DLG5: variants seen among roughly 807,000 people sequenced by gnomAD.
The protein encoded by DLG5 is discs large MAGUK scaffold protein 5.
In DLG5, 48 loss-of-function variants were observed where a neutral mutation model predicts 189.8. The observed-to-expected ratio is 0.25, with a 90% CI of 0.20 to 0.32. DLG5 has a LOEUF of 0.32. Ranked by LOEUF, DLG5 falls within the 10% of genes least tolerant of loss-of-function variation. The probability of loss-of-function intolerance (pLI) is 1.00; values close to 1 mark genes in which losing one functional copy is unlikely to be tolerated. For missense variants in DLG5, 2,160 were observed against 2,544.7 expected (o/e 0.85, Z 3.25); for synonymous variants, 1,016 against 1,054.1 (o/e 0.96, Z 0.70).
rs750372386 is a variant in DLG5 at position 77,819,391 on chromosome 10, T to C, written c.3601A>G (p.Ser1201Gly). ...ILRNPIYTVR[S>G]HRVGPCSSPP... is the part of the protein sequence containing the mutation. ...GAGCTGCAGGGGCCGACCCTGTGAC[T>C]GCGCACAGTGTAGATGGGGTTCCGC... is the stretch of plus-strand genomic sequence containing the variant. The change falls in exon 17 of 32, where the codon AGT becomes GGT. Residue 1201 changes from serine (S) to glycine (G), a missense_variant. This residue lies in a region of DLG5 where 754 missense variants were observed against 746.5 expected (regional missense o/e 1.01). Coordinates refer to ENST00000372391, the MANE Select transcript of DLG5 (RefSeq NM_004747.4). The C allele has an allele frequency of 6.2e-6, 10 of 1,614,084 alleles. No individual in the cohort carries two copies. In the Admixed American group the frequency reaches 8.3e-5, roughly 13 times the overall value.
intron 7 of DLG5, among the ~76,000 whole-genome samples, chr10:77,840,882 C>T (rs984603023): frequency 6.6e-6 from 1 of 152,182 alleles, no homozygotes. Flanking sequence ...ATGCTGGTCA[C>T]CCCCTGGGCA....
intron 7 of DLG5, among the ~76,000 whole-genome samples, chr10:77,837,688 G>C (rs1327070875): frequency 6.6e-6 from 1 of 152,214 alleles, no homozygotes; most frequent in East Asian, 1.9e-4. Context: ...GGAACCGCAG[G>C]ATCTAGAAGT....
Position 77,873,031 on chromosome 10 carries a change from G to GCGCGCA in DLG5, c.305-3835_305-3834insTGCGCG, listed in dbSNP as rs1554826889. ...CCTCCTGATGTGTGTGTGTGTGTGTGCACACACACACACACACACACGAGA... is the reference window on the plus strand; with the variant it reads ...CCTCCTGATGTGTGTGTGTGTGTGTGCGCGCACACACACACACACACACACACGAGA... On this transcript the variant is annotated intron_variant, in intron 1 of 31. Coordinates refer to ENST00000372391, the MANE Select transcript of DLG5 (RefSeq NM_004747.4). 1.4e-3 allele frequency among the ~76,000 whole-genome samples: 63 copies of GCGCGCA among 45,530 alleles called. 1 individual carries two copies. Among genetic ancestry groups the GCGCGCA allele is most frequent in the African/African-American group, 3.2e-3 (61 of 19,340 alleles). The allele number at this position is 45,530 out of a possible 152,430, so 29.9% of individuals were successfully genotyped here.
chr10:77,795,844 A>G (rs1196365944), intron 29 of DLG5, among the ~76,000 whole-genome samples: 1 of 152,136 alleles, frequency 6.6e-6, no homozygotes, highest in Non-Finnish European at 1.5e-5. Flanking sequence ...GCACATACAC[A>G]GGGGAACTCC....
chr10:77,840,667 C>A (rs910873897), intron 7 of DLG5, among the ~76,000 whole-genome samples: 2 of 151,690 alleles, frequency 1.3e-5, no homozygotes, highest in Non-Finnish European at 2.9e-5. Context: ...TGCAGTGAGC[C>A]GAGATTGCGC....
At chr10:77,823,941 C>T (rs913194411) in intron 14 of DLG5, among the ~76,000 whole-genome samples, 3 of 152,092 alleles carry the variant, frequency 2.0e-5, no homozygotes, top group Non-Finnish European at 4.4e-5. Context: ...TCTGTAGAGG[C>T]AAGGTCTCGC....
At position 77,926,553 on chromosome 10, in the gene DLG5, C is replaced by G; in HGVS notation, c.-33G>C. ...GGCCGCGCCGCCCCGCCCCGCCGGA[C>G]GCCTCCCGGGCCCCCCGAGGCCGGC... On this transcript the variant is annotated 5_prime_UTR_variant, in exon 1 of 32. Coordinates refer to ENST00000372391, the MANE Select transcript of DLG5 (RefSeq NM_004747.4). This position sits in a 1 kb window ranked among gnomAD's most constrained non-coding sequence, Gnocchi z 5.2. 8.1e-7 allele frequency: 1 copy of G among 1,232,666 alleles called. No individual in the cohort carries two copies. Among genetic ancestry groups the G allele is most frequent in the Non-Finnish European group, 1.0e-6 (1 of 990,174 alleles). The allele number at this position is 1,232,666 out of a possible 1,614,324, so 76.4% of individuals were successfully genotyped here.
Position 77,869,190 on chromosome 10 carries a change from G to A in DLG5, c.312C>T (p.Thr104=), listed in dbSNP as rs199846595. ...AGGGCATGGTGGACAGGACGCTGTAGGTAGAACCTGGGGAAAGAGGGGAGA... is the reference window on the plus strand; with the variant it reads ...AGGGCATGGTGGACAGGACGCTGTAAGTAGAACCTGGGGAAAGAGGGGAGA... ...PPQPAEGAGS[T]YSVLSTMPSD... is the part of the protein sequence containing the mutation. The change falls in exon 2 of 32, where the codon ACC becomes ACT. Residue 104 remains threonine (T), a synonymous_variant. Transcript: ENST00000372391. 1 of 1,613,692 alleles carries A rather than the reference G, an allele frequency of 6.2e-7. No homozygotes were observed. Among genetic ancestry groups the A allele is most frequent in the Non-Finnish European group, 8.5e-7 (1 of 1,179,868 alleles).
chr10:77,830,236 T>C lies in DLG5; in HGVS notation c.1990A>G (p.Ile664Val), dbSNP rs1842835505. The C allele has an allele frequency of 3.1e-6, 5 of 1,614,052 alleles. No homozygotes were observed. The highest frequency in any genetic ancestry group is 1.7e-5 in the Admixed American group (1 of 60,010). ...TCTTACCTTAAGCGGCCATCAGCAATGCTTCCTTTGTCCACTTTAGTGACA... is the reference window on the plus strand; with the variant it reads ...TCTTACCTTAAGCGGCCATCAGCAACGCTTCCTTTGTCCACTTTAGTGACA... Reference protein sequence around the residue: ...IFVTKVDKGSIADGRLRVNDW... With the variant: ...IFVTKVDKGSVADGRLRVNDW... The change falls in exon 11 of 32, where the codon ATT (isoleucine) becomes GTT (valine). Residue 664 changes from isoleucine (I) to valine (V), a missense_variant. Coordinates refer to ENST00000372391, the MANE Select transcript of DLG5 (RefSeq NM_004747.4).
intron 17 of DLG5, among the ~76,000 whole-genome samples, chr10:77,818,130 CA>C (rs1842156361): frequency 6.6e-6 from 1 of 152,144 alleles, no homozygotes; most frequent in Admixed American, 6.5e-5. Flanking sequence ...ATACCCACTC[CA>C]GCCATAGGGT....
intron 1 of DLG5, among the ~76,000 whole-genome samples, chr10:77,911,119 A>G (rs1009080702): frequency 6.6e-6 from 1 of 151,982 alleles, no homozygotes; most frequent in East Asian, 1.9e-4. Context: ...TTTAAGAATT[A>G]AAGTGTTTTA....
At chr10:77,938,568 C>T in the DLG5 span, among the ~76,000 whole-genome samples, 2 of 152,174 alleles carry the variant, frequency 1.3e-5, no homozygotes, top group African/African-American at 4.8e-5. Flanking sequence ...TCAGTCTAGA[C>T]CAGGGACTCA....
chr10:77,887,743 C>T (rs187307139), intron 1 of DLG5, among the ~76,000 whole-genome samples: 1 of 152,306 alleles, frequency 6.6e-6, no homozygotes, highest in East Asian at 1.9e-4. Flanking sequence ...GCCAGAGATC[C>T]CAGCCAGGCC....
rs556056939 is a variant in DLG5 at position 77,808,086 on chromosome 10, A to G, written c.4648-142T>C. On this transcript the variant is annotated intron_variant, in intron 24 of 31. Transcript: ENST00000372391. Reference sequence around the variant, plus strand: ...CTCTGGCTACCTCCCCTCTGCAGGAAGGACTGAGTCTTCATGGTCTCCCCA... The same window carrying G: ...CTCTGGCTACCTCCCCTCTGCAGGAGGGACTGAGTCTTCATGGTCTCCCCA... 33 of 1,027,856 alleles carry G rather than the reference A, an allele frequency of 3.2e-5. No individual in the cohort carries two copies. In the African/African-American group the frequency reaches 4.2e-4, roughly 13 times the overall value. The allele number at this position is 1,027,856 out of a possible 1,614,324, so 63.7% of individuals were successfully genotyped here.
chr10:77,816,806 G>A (rs1842077529), intron 19 of DLG5, 105 bp from the exon 20 acceptor site: 2 of 1,469,816 alleles, frequency 1.4e-6, no homozygotes, highest in South Asian at 1.3e-5. Flanking sequence ...TATCCCCACT[G>A]CATCGCATAG....
At position 77,824,387 on chromosome 10, in the gene DLG5, C is replaced by T. The variant is rs1239919126; in HGVS notation, c.2379G>A (p.Leu793=). 1.9e-6 allele frequency: 3 copies of T among 1,611,630 alleles called. No homozygotes were observed. Among genetic ancestry groups the T allele is most frequent in the African/African-American group, 1.3e-5 (1 of 74,876 alleles). The change falls in exon 14 of 32, where the codon CTG becomes CTA. Residue 793 remains leucine (L), a synonymous_variant. Coordinates refer to ENST00000372391, the MANE Select transcript of DLG5 (RefSeq NM_004747.4). ...SCQDSLTLSL[L]KVFPQSSSWS... is the part of the protein sequence containing the mutation. ...CAGAGCCAGGTCCAGCCCTTACCTT[C>T]AGGAGGGACAGGGTCAGGGAGTCCT...
At chr10:77,894,945 G>T (rs995502226) in intron 1 of DLG5, among the ~76,000 whole-genome samples, 3 of 152,198 alleles carry the variant, frequency 2.0e-5, no homozygotes, top group African/African-American at 7.2e-5. Context: ...GGTCTTGAGG[G>T]GCAGGGCCAC....
Position 77,796,648 on chromosome 10 carries a change from AGTGGG to A in DLG5, c.5165-59_5165-55del. The A allele has an allele frequency of 6.2e-7, 1 of 1,607,170 alleles. No homozygotes were observed. The highest frequency in any genetic ancestry group is 2.2e-5 in the East Asian group (1 of 44,714). ...GACCCAGCTTGGAGTGGAGGACCTG[AGTGGG>A]GCTGGGGAACCCCGCTCCCTGACCT... On this transcript the variant is annotated intron_variant, in intron 27 of 31. Coordinates refer to ENST00000372391, the MANE Select transcript of DLG5 (RefSeq NM_004747.4). The surrounding 1 kb of genome is among the most constrained non-coding windows in gnomAD (Gnocchi z 5.2).
chr10:77,802,625 C>A (rs539652410), intron 27 of DLG5, among the ~76,000 whole-genome samples: 1 of 152,222 alleles, frequency 6.6e-6, no homozygotes, highest in Admixed American at 6.5e-5. Flanking sequence ...GTGCCTTGCG[C>A]CTGTAATCCC....
Sources: allele counts gnomAD v4.1 joint callset (sites outside exome capture counted in the v4.1 genomes callset), GRCh38; gene constraint gnomAD v4.1.1; regional missense constraint gnomAD v4.1.1; non-coding constraint Gnocchi (gnomAD v3.1); transcripts MANE v1.5; gene names NCBI Gene and HGNC (gene_info 2026-07-23, HGNC 2026-07-21).